The following ROBO2 variants were observed in gnomAD, a reference collection of about 807,000 sequenced individuals.
ROBO2 encodes the protein roundabout homolog 2.
In ROBO2, 53 loss-of-function variants were observed where a neutral mutation model predicts 160.8. The ratio of observed to expected loss-of-function variants is 0.33; its 90% CI spans 0.26 to 0.41. ROBO2 has a LOEUF of 0.41. Ranked by LOEUF, ROBO2 falls within the 10% of genes least tolerant of loss-of-function variation. The pLI, the probability that ROBO2 is intolerant of heterozygous loss-of-function variation, is 1.00. For missense variants in ROBO2, 1,577 were observed against 1,722.4 expected (o/e 0.92, Z 1.49); for synonymous variants, 664 against 611.7 (o/e 1.09, Z -1.26).
At chr3:77,365,828 A>T (rs1405605209) in intron 2 of ROBO2, among the ~76,000 whole-genome samples, 1 of 142,712 alleles carries the variant, frequency 7.0e-6, no homozygotes, top group Non-Finnish European at 1.6e-5. Flanking sequence ...TGAAATGCAG[A>T]TGTGAATGGA....
chr3:76,545,253 T>C (rs547794186), intron 2 of ROBO2, among the ~76,000 whole-genome samples: 1 of 152,058 alleles, frequency 6.6e-6, no homozygotes, highest in East Asian at 1.9e-4. Context: ...ATGCATGTGA[T>C]TCATTGAGAA....
rs1037328376 is a variant in ROBO2 at position 76,563,970 on chromosome 3, C to A, written c.110-534044C>A. Among the ~76,000 whole-genome samples, 40 of 152,170 alleles carry A rather than the reference C, an allele frequency of 2.6e-4. 1 individual carries two copies. ...CCTGAAATCTCAGCACTTTGAGAGG[C>A]CAAGGTGGGTGGATCACTTGAGTTC... On this transcript the variant is annotated intron_variant, in intron 2 of 26. Coordinates refer to the ROBO2 transcript ENST00000487694.
chr3:76,304,747 C>CTTCCTTCTTTCTTTCT (rs1553700107), intron 2 of ROBO2, among the ~76,000 whole-genome samples: 21 of 101,690 alleles, frequency 2.1e-4, no homozygotes, highest in Admixed American at 7.7e-4. Flanking sequence ...CTTTTCTTTC[C>CTTCCTTCTTTCTTTCT]TTCTTTCTTT....
chr3:76,407,336 G>T (rs771111441), intron 2 of ROBO2, among the ~76,000 whole-genome samples: 3 of 151,824 alleles, frequency 2.0e-5, no homozygotes, highest in Non-Finnish European at 2.9e-5. Context: ...TTTACATATT[G>T]TTTAGGTGTT....
chr3:76,954,254 C>T (rs1207769810), intron 2 of ROBO2, among the ~76,000 whole-genome samples: 5 of 152,086 alleles, frequency 3.3e-5, no homozygotes, highest in Non-Finnish European at 7.4e-5. Flanking sequence ...TTAGATGTCC[C>T]AATAGGTTTT....
intron 2 of ROBO2, among the ~76,000 whole-genome samples, chr3:76,275,353 G>GT (rs1008987367): frequency 4.6e-5 from 7 of 152,084 alleles, no homozygotes; most frequent in African/African-American, 1.4e-4. Context: ...GAGAGCACCT[G>GT]TTTCCTCACC....
chr3:77,105,556 C>G (rs2150133952), intron 2 of ROBO2, among the ~76,000 whole-genome samples: 1 of 152,268 alleles, frequency 6.6e-6, no homozygotes, highest in South Asian at 2.1e-4. Flanking sequence ...CAAATACTTT[C>G]AAATGCAGTC....
chr3:76,756,719 C>T (rs565437388), intron 2 of ROBO2, among the ~76,000 whole-genome samples: 63 of 151,890 alleles, frequency 4.1e-4, no homozygotes, highest in Non-Finnish European at 4.6e-4. Flanking sequence ...CACCTAAGAC[C>T]GCATGCTCTG....
intron 2 of ROBO2, among the ~76,000 whole-genome samples, chr3:77,106,289 C>T (rs1046524362): frequency 3.3e-5 from 5 of 152,136 alleles, no homozygotes; most frequent in African/African-American, 9.7e-5. Flanking sequence ...GCAATCCTCT[C>T]TCATTGGCCT....
chr3:76,157,449 C>T (rs1057061683), intron 2 of ROBO2, among the ~76,000 whole-genome samples: 38 of 152,026 alleles, frequency 2.5e-4, no homozygotes, highest in African/African-American at 7.2e-4. Context: ...AGCCACAATG[C>T]GTGTAATCTG....
At chr3:77,331,895 G>A (rs760253629) in intron 2 of ROBO2, among the ~76,000 whole-genome samples, 9 of 151,934 alleles carry the variant, frequency 5.9e-5, no homozygotes, top group East Asian at 1.9e-4. Flanking sequence ...TAGTAGAGAC[G>A]GGGTTTCACC....
intron 2 of ROBO2, among the ~76,000 whole-genome samples, chr3:77,248,614 G>T (rs1360087814): frequency 1.3e-5 from 2 of 152,122 alleles, no homozygotes; most frequent in Non-Finnish European, 2.9e-5. Context: ...TCCTGCGCTC[G>T]CTCACCTGCG....
chr3:77,621,447 A>ATAAG (rs2094898677), intron 22 of ROBO2, among the ~76,000 whole-genome samples: 1 of 151,878 alleles, frequency 6.6e-6, no homozygotes, highest in Non-Finnish European at 1.5e-5. Context: ...AAATAAATAA[A>ATAAG]TAAATAAATA....
chr3:76,281,583 G>C (rs1428543273), intron 2 of ROBO2, among the ~76,000 whole-genome samples: 1 of 151,632 alleles, frequency 6.6e-6, no homozygotes, highest in Non-Finnish European at 1.5e-5. Context: ...GTCGTGTTAA[G>C]TTCTAACTTA....
intron 2 of ROBO2, among the ~76,000 whole-genome samples, chr3:76,105,185 GA>G (rs1202379182): frequency 1.5e-3 from 209 of 141,560 alleles, no homozygotes; most frequent in African/African-American, 2.9e-3. Flanking sequence ...CCTGTACTTA[GA>G]AAAAAAAAAA....
intron 2 of ROBO2, among the ~76,000 whole-genome samples, chr3:77,185,314 G>A (rs2150889653): frequency 6.6e-6 from 1 of 152,062 alleles, no homozygotes; most frequent in Non-Finnish European, 1.5e-5. Context: ...TACTGAAGGG[G>A]AAAGTATAGA....
chr3:77,056,043 G>C (rs559280419), intron 1 of ROBO2, among the ~76,000 whole-genome samples: 28 of 152,164 alleles, frequency 1.8e-4, no homozygotes, highest in Non-Finnish European at 3.4e-4. Flanking sequence ...CACACAAAGA[G>C]AAAAATTTCC....
At chr3:76,847,156 G>A (rs2068850744) in intron 2 of ROBO2, among the ~76,000 whole-genome samples, 1 of 152,000 alleles carries the variant, frequency 6.6e-6, no homozygotes, top group Non-Finnish European at 1.5e-5. Flanking sequence ...AGGTGAGGTG[G>A]CATAGCACAT....
intron 2 of ROBO2, among the ~76,000 whole-genome samples, chr3:76,189,340 A>G (rs1441956466): frequency 1.3e-5 from 2 of 152,130 alleles, no homozygotes; most frequent in Non-Finnish European, 2.9e-5. Context: ...AATTTAGGAG[A>G]AACCAAAATC....
Sources: allele counts gnomAD v4.1 joint callset (sites outside exome capture counted in the v4.1 genomes callset), GRCh38; gene constraint gnomAD v4.1.1; transcripts MANE v1.5; gene names NCBI Gene and HGNC (gene_info 2026-07-23, HGNC 2026-07-21).